CYFIP1: variants seen among roughly 807,000 people sequenced by gnomAD.
The protein encoded by CYFIP1 is cytoplasmic FMR1-interacting protein 1.
A neutral mutation model predicts 163.5 loss-of-function variants in CYFIP1; 58 were observed. The observed-to-expected ratio is 0.35, with a 90% confidence interval of 0.29 to 0.44. The LOEUF is 0.44. Among genes scored for constraint, CYFIP1 ranks in the 20% least tolerant of loss-of-function variants. CYFIP1 has a pLI of 1.00. For synonymous variants in CYFIP1, 663 were observed against 660.7 expected, an observed-to-expected ratio of 1.00 and a Z score of -0.05; for missense variants, 1,338 against 1,653.8, an observed-to-expected ratio of 0.81 and a Z score of 3.31.
chr15:22,976,030 C>A (rs1175681667), intron 1 of CYFIP1, among the ~76,000 whole-genome samples: 3 of 152,064 alleles, frequency 2.0e-5, no homozygotes, highest in Non-Finnish European at 4.4e-5. Context: ...ATGGTATGTT[C>A]CCCCATTTAC....
At chr15:22,949,862 C>A (rs1325082204) in intron 1 of CYFIP1, among the ~76,000 whole-genome samples, 3 of 151,726 alleles carry the variant, frequency 2.0e-5, no homozygotes, top group Admixed American at 1.3e-4. Context: ...AGCTGTACAG[C>A]CAGGCGCTGC....
At chr15:22,951,779 C>G (rs1937754264) in intron 1 of CYFIP1, among the ~76,000 whole-genome samples, 1 of 152,208 alleles carries the variant, frequency 6.6e-6, no homozygotes, top group Admixed American at 6.5e-5. Context: ...CCAAGATGAC[C>G]CCATGGTGGA....
intron 1 of CYFIP1, among the ~76,000 whole-genome samples, chr15:22,955,370 G>A (rs113526664): frequency 1.3e-5 from 2 of 152,228 alleles, no homozygotes; most frequent in African/African-American, 4.8e-5. Context: ...TGCCCACCCA[G>A]GGGGTCAAGG....
At chr15:22,874,518 G>C in intron 28 of CYFIP1, 32 bp downstream of exon 28, 1 of 1,513,098 alleles carries the variant, frequency 6.6e-7, no homozygotes, top group Non-Finnish European at 8.9e-7. Context: ...TGCCCAGCTT[G>C]CAACAGCCAC....
Position 22,875,191 on chromosome 15 carries a change from A to G in CYFIP1, c.3115+8T>C, listed in dbSNP as rs1177587730. ...TCTGGACTCCCTGGTGGGGGTCAGC[A>G]GGCTCACCTTTCACATGGACTCGCG... On this transcript the variant is annotated splice_region_variant and intron_variant, in intron 27 of 30. Coordinates refer to ENST00000617928, the MANE Select transcript of CYFIP1 (RefSeq NM_014608.6). 6.2e-7 allele frequency: 1 copy of G among 1,613,888 alleles called. No individual in the cohort carries two copies. The highest frequency in any genetic ancestry group is 1.7e-5 in the Admixed American group (1 of 59,968).
At chr15:22,892,590 C>T (rs547738746) in intron 23 of CYFIP1, among the ~76,000 whole-genome samples, 2 of 152,298 alleles carry the variant, frequency 1.3e-5, no homozygotes, top group South Asian at 4.1e-4. Context: ...CCAACAATCT[C>T]ACTTGTGTTT....
chr15:22,912,459 AC>A (rs1387470930), intron 17 of CYFIP1, 184 bp from the exon 18 acceptor site: 1 of 514,958 alleles, frequency 1.9e-6, no homozygotes, highest in Non-Finnish European at 3.4e-6. Context: ...CGGCCGCCAC[AC>A]CCACCAGGCT....
At chr15:22,975,483 G>A (rs113798375) in intron 1 of CYFIP1, among the ~76,000 whole-genome samples, 16,434 of 147,774 alleles carry the variant, frequency 0.11, 1,018 homozygotes, top group Non-Finnish European at 0.12. Context: ...GGCCAGGCTC[G>A]GTGGCTAACG....
At chr15:22,929,106 G>T (rs2061450159) in intron 11 of CYFIP1, among the ~76,000 whole-genome samples, 1 of 151,752 alleles carries the variant, frequency 6.6e-6, no homozygotes, top group African/African-American at 2.4e-5. Context: ...TGTAATCTCA[G>T]CTACTCGGGA....
At chr15:22,963,574 C>A (rs2062781174) in intron 1 of CYFIP1, among the ~76,000 whole-genome samples, 3 of 140,308 alleles carry the variant, frequency 2.1e-5, no homozygotes, top group South Asian at 4.5e-4. Context: ...AATGAAATAT[C>A]CCCCTGAAAA....
At chr15:22,879,834 A>C in intron 26 of CYFIP1, 79 bp downstream of exon 26, 2 of 1,177,048 alleles carry the variant, frequency 1.7e-6, no homozygotes, top group South Asian at 2.8e-5. Context: ...AGAACCCGCC[A>C]AAGAAAGCCC....
chr15:22,933,941 C>T, intron 9 of CYFIP1, 48 bp from the exon 10 acceptor site: 1 of 1,349,734 alleles, frequency 7.4e-7, no homozygotes, highest in South Asian at 1.2e-5. Context: ...TATTTAGTCA[C>T]CAAATACATA....
intron 30 of CYFIP1, among the ~76,000 whole-genome samples, chr15:22,870,454 G>A (rs1270940730): frequency 3.3e-5 from 5 of 152,012 alleles, no homozygotes; most frequent in South Asian, 2.1e-4. Context: ...GACCACAGGC[G>A]TGTACCACCA....
intron 13 of CYFIP1, among the ~76,000 whole-genome samples, chr15:22,923,659 T>C (rs149852705): frequency 5.3e-5 from 8 of 152,194 alleles, no homozygotes; most frequent in East Asian, 1.9e-4. Context: ...TGAAAGCTCA[T>C]AGAGGCTGGG....
At chr15:22,920,628 C>T (rs755499611) in intron 13 of CYFIP1, among the ~76,000 whole-genome samples, 1 of 152,110 alleles carries the variant, frequency 6.6e-6, no homozygotes. Flanking sequence ...AAAGAATTTC[C>T]AAATAGACTG....
chr15:22,933,200 A>G (rs1473597834), intron 10 of CYFIP1, among the ~76,000 whole-genome samples: 1 of 152,094 alleles, frequency 6.6e-6, no homozygotes, highest in Non-Finnish European at 1.5e-5. Flanking sequence ...TCCAATAGGA[A>G]TCCCTAGGAT....
chr15:22,967,580 A>ATATAG (rs2062954832), intron 1 of CYFIP1, among the ~76,000 whole-genome samples: 1 of 151,896 alleles, frequency 6.6e-6, no homozygotes, highest in Non-Finnish European at 1.5e-5. Context: ...CGCAGCTACA[A>ATATAG]CATAGCACCC....
chr15:22,918,954 A>G, intron 13 of CYFIP1, 96 bp from the exon 14 acceptor site: 1 of 992,048 alleles, frequency 1.0e-6, no homozygotes, highest in Non-Finnish European at 1.5e-6. Context: ...CCTCGCCCAC[A>G]GCACCTTACG....
intron 20 of CYFIP1, among the ~76,000 whole-genome samples, chr15:22,909,825 T>A (rs1345271600): frequency 6.6e-6 from 1 of 152,190 alleles, no homozygotes; most frequent in Admixed American, 6.5e-5. Flanking sequence ...AATCTTTTTT[T>A]AAAAGCTGTA....
Sources: allele counts gnomAD v4.1 joint callset (sites outside exome capture counted in the v4.1 genomes callset), GRCh38; gene constraint gnomAD v4.1.1; transcripts MANE v1.5; gene names NCBI Gene and HGNC (gene_info 2026-07-23, HGNC 2026-07-21).